The following RBM33 variants were observed in gnomAD, a reference collection of about 807,000 sequenced individuals.
RBM33 encodes the protein RNA-binding protein 33.
Under a neutral mutation model 132.6 loss-of-function variants are expected in RBM33, and 28 were observed. That is an observed-to-expected ratio of 0.21 (90% CI 0.16 to 0.29). The LOEUF is 0.29. Among genes scored for constraint, RBM33 ranks in the 10% least tolerant of loss-of-function variants. The pLI, the probability that RBM33 is intolerant of heterozygous loss-of-function variation, is 1.00. For missense variants in RBM33, 1,291 were observed against 1,518.5 expected (o/e 0.85, Z 2.49); for synonymous variants, 634 against 593.0 (o/e 1.07, Z -1.01).
intron 1 of RBM33, among the ~76,000 whole-genome samples, chr7:155,647,478 T>G (rs1159256498): frequency 6.6e-6 from 1 of 152,180 alleles, no homozygotes; most frequent in African/African-American, 2.4e-5. Context: ...TTGCCCAGAC[T>G]GGAGTGCAGT....
chr7:155,768,849 G>A lies in RBM33; in HGVS notation c.3375+2194G>A, dbSNP rs184455368. On this transcript the variant is annotated intron_variant, in intron 16 of 17. Transcript: ENST00000401878. ...AGGATGGTCTTGATCTCCTGACCTC[G>A]TGATCCGCCCGCCTCAGCCTCCCAA... 3.3e-5 allele frequency among the ~76,000 whole-genome samples: 5 copies of A among 152,134 alleles called. No individual in the cohort carries two copies. The East Asian group carries it at 7.8e-4, about 24-fold the overall frequency.
At chr7:155,702,008 G>A (rs1330140022) in intron 6 of RBM33, among the ~76,000 whole-genome samples, 2 of 152,096 alleles carry the variant, frequency 1.3e-5, no homozygotes, top group South Asian at 2.1e-4. Flanking sequence ...TTTCTAATGA[G>A]TTCCCATGCA....
Position 155,706,093 on chromosome 7 carries a change from A to T in RBM33, c.740-767A>T, listed in dbSNP as rs112382621. ...ATCGGGAATTTGTGTTCTTGCGTCT[A>T]TGTGCCATCGTATGCTATTAATAGC... On this transcript the variant is annotated intron_variant, in intron 6 of 17. Transcript: ENST00000401878. 6.3e-4 allele frequency among the ~76,000 whole-genome samples: 96 copies of T among 152,346 alleles called. No homozygotes were observed. The South Asian group carries it at 0.02, about 31-fold the overall frequency.
At chr7:155,760,660 T>C (rs1048354875) in intron 14 of RBM33, among the ~76,000 whole-genome samples, 2 of 152,192 alleles carry the variant, frequency 1.3e-5, no homozygotes, top group Non-Finnish European at 2.9e-5. Context: ...AAGATGAGGG[T>C]ATGTGGTATA....
At chr7:155,699,587 C>T (rs36054513) in intron 5 of RBM33, among the ~76,000 whole-genome samples, 26,377 of 151,988 alleles carry the variant, frequency 0.17, 2,847 homozygotes, top group Admixed American at 0.33. Flanking sequence ...GTATGCTGGA[C>T]GTCAGCATAC....
In RBM33 at chr7:155,680,870, T is replaced by C; in HGVS notation, c.529T>C (p.Leu177=). ...EEEQLYTDEV[L]DIEINEPLDE... is the part of the protein sequence containing the mutation. ...GGAGCAGCTTTACACTGATGAAGTG[T>C]TAGACATCGAGATCAATGAACCTTT... The change falls in exon 5 of 18, where the codon TTA becomes CTA. Residue 177 remains leucine (L), a synonymous_variant. Transcript: ENST00000401878. 1 of 1,613,736 alleles carries C rather than the reference T, an allele frequency of 6.2e-7. No homozygotes were observed. The highest frequency in any genetic ancestry group is 8.5e-7 in the Non-Finnish European group (1 of 1,179,764).
intron 9 of RBM33, among the ~76,000 whole-genome samples, chr7:155,725,200 G>GTTT (rs1563162208): frequency 1.1e-5 from 1 of 93,376 alleles, no homozygotes; most frequent in African/African-American, 5.7e-5. Context: ...TCCTTTTTTA[G>GTTT]TTGTTTTTTT....
intron 5 of RBM33, among the ~76,000 whole-genome samples, chr7:155,681,416 G>A (rs951397205): frequency 5.3e-5 from 8 of 151,652 alleles, no homozygotes; most frequent in Non-Finnish European, 7.4e-5. Context: ...CATATAATTC[G>A]TTATCTATAA....
chr7:155,716,715 GT>G, intron 8 of RBM33, among the ~76,000 whole-genome samples: 1 of 152,136 alleles, frequency 6.6e-6, no homozygotes, highest in East Asian at 1.9e-4. Flanking sequence ...CTCCAGTCTA[GT>G]GTTTCACTTT....
At chr7:155,664,859 G>A (rs1321976349) in intron 1 of RBM33, among the ~76,000 whole-genome samples, 1 of 150,406 alleles carries the variant, frequency 6.6e-6, no homozygotes, top group Non-Finnish European at 1.5e-5. Flanking sequence ...TTTCTTTCAT[G>A]CAGTAAAAAA....
chr7:155,738,229 G>T lies in RBM33; in HGVS notation c.1563G>T (p.Val521=). 4 of 1,614,004 alleles carry T rather than the reference G, an allele frequency of 2.5e-6. No homozygotes were observed. Among genetic ancestry groups the T allele is most frequent in the Non-Finnish European group, 3.4e-6 (4 of 1,179,904 alleles). ...TTAATCAGCAAGGACAGCAGCCAGT[G>T]TTCCCAAGAGAGCGGCCCGTACGAC... ...PAFNQQGQQP[V]FPRERPVRPA... The change falls in exon 11 of 18, where the codon GTG becomes GTT. Residue 521 remains valine (V), a synonymous_variant. Transcript: ENST00000401878.
chr7:155,761,320 C>T (rs141693233), intron 14 of RBM33, among the ~76,000 whole-genome samples: 116 of 152,250 alleles, frequency 7.6e-4, no homozygotes, highest in Non-Finnish European at 1.5e-3. Context: ...ATACCAGGCC[C>T]AAAGAATGAG....
chr7:155,721,796 T>G (rs1329823605), intron 9 of RBM33, among the ~76,000 whole-genome samples: 1 of 152,222 alleles, frequency 6.6e-6, no homozygotes, highest in Non-Finnish European at 1.5e-5. Context: ...CAAAATTTGG[T>G]ATTCTGGGCT....
intron 9 of RBM33, among the ~76,000 whole-genome samples, chr7:155,734,056 C>T (rs368425308): frequency 5.9e-5 from 9 of 152,242 alleles, no homozygotes; most frequent in East Asian, 5.8e-4. Context: ...TGTCACCTCA[C>T]GCCCAGTGCG....
In RBM33 at chr7:155,697,555, ACTCT is replaced by A. The variant is rs564791994; in HGVS notation, c.568-3207_568-3204del. Among the ~76,000 whole-genome samples the A allele has an allele frequency of 5.0e-4, 76 of 150,572 alleles. 1 individual carries two copies. The East Asian group carries it at 5.1e-3, about 10-fold the overall frequency. On this transcript the variant is annotated intron_variant, in intron 5 of 17. Coordinates refer to ENST00000401878, the MANE Select transcript of RBM33 (RefSeq NM_053043.3). Reference sequence around the variant, plus strand: ...TTGTAAGCAATGTTTTCTCTTTTGCACTCTCTCTCTCTCTATATATATAGATTTG... The same window carrying A: ...TTGTAAGCAATGTTTTCTCTTTTGCACTCTCTCTCTATATATATAGATTTG...
intron 13 of RBM33, among the ~76,000 whole-genome samples, chr7:155,742,624 C>G (rs1246493145): frequency 6.6e-6 from 1 of 152,162 alleles, no homozygotes; most frequent in South Asian, 2.1e-4. Flanking sequence ...ACACTATTAA[C>G]CTCTAGAAGA....
intron 14 of RBM33, among the ~76,000 whole-genome samples, chr7:155,758,058 T>G (rs994245728): frequency 3.3e-5 from 5 of 152,108 alleles, no homozygotes; most frequent in Non-Finnish European, 7.4e-5. Flanking sequence ...ACAGAAGATT[T>G]GGGGAGGGAC....
chr7:155,701,311 C>T lies in RBM33; in HGVS notation c.739+367C>T, dbSNP rs543097215. 12 of 341,290 alleles carry T rather than the reference C, an allele frequency of 3.5e-5. No individual in the cohort carries two copies. The South Asian group carries it at 9.1e-4, about 26-fold the overall frequency. The allele number at this position is 341,290 out of a possible 1,614,324, so 21.1% of individuals were successfully genotyped here. A position where few individuals can be genotyped will look rare whatever the true frequency, so the allele number is the denominator to read the frequency against. ...ACCCTTCCCAAGACCCTGAGGTTGTCAGGGCGAATTCTGGACAAGACCGGT... is the reference window on the plus strand; with the variant it reads ...ACCCTTCCCAAGACCCTGAGGTTGTTAGGGCGAATTCTGGACAAGACCGGT... On this transcript the variant is annotated intron_variant, in intron 6 of 17. Coordinates refer to ENST00000401878, the MANE Select transcript of RBM33 (RefSeq NM_053043.3).
At chr7:155,772,258 A>G (rs571288662) in intron 16 of RBM33, among the ~76,000 whole-genome samples, 13 of 152,310 alleles carry the variant, frequency 8.5e-5, no homozygotes, top group African/African-American at 2.9e-4. Flanking sequence ...CAGCAGCTCT[A>G]ACCTAGGTTA....
Sources: allele counts gnomAD v4.1 joint callset (sites outside exome capture counted in the v4.1 genomes callset), GRCh38; gene constraint gnomAD v4.1.1; transcripts MANE v1.5; gene names NCBI Gene and HGNC (gene_info 2026-07-23, HGNC 2026-07-21).